Variants in CCSER1 observed in about 807,000 individuals in gnomAD.
CCSER1 encodes coiled-coil serine rich protein 1.
CCSER1 carries 41 observed loss-of-function variants against 82.0 expected under a neutral mutation model. That is an observed-to-expected ratio of 0.50 (90% CI 0.39 to 0.65). The LOEUF is 0.65. Among genes scored for constraint, CCSER1 ranks in the 30% least tolerant of loss-of-function variants. The pLI, the probability that CCSER1 is intolerant of heterozygous loss-of-function variation, is 0.00. For missense variants in CCSER1, 1,119 were observed against 1,064.2 expected, an observed-to-expected ratio of 1.05 and a Z score of -0.72; for synonymous variants, 414 against 383.9, an observed-to-expected ratio of 1.08 and a Z score of -0.92.
chr4:90,389,232 A>C (rs1167206427), intron 3 of CCSER1, among the ~76,000 whole-genome samples: 3 of 152,200 alleles, frequency 2.0e-5, no homozygotes, highest in African/African-American at 7.2e-5. Context: ...AGAATTATAC[A>C]CACTGACAGT....
At chr4:91,391,933 C>T (rs1185600438) in intron 10 of CCSER1, among the ~76,000 whole-genome samples, 2 of 151,972 alleles carry the variant, frequency 1.3e-5, no homozygotes, top group Admixed American at 6.6e-5. Context: ...CATTTATGCA[C>T]ATATGTACAT....
chr4:90,811,730 G>T (rs984542679), intron 7 of CCSER1, among the ~76,000 whole-genome samples: 10 of 152,174 alleles, frequency 6.6e-5, no homozygotes, highest in Non-Finnish European at 1.3e-4. Context: ...TAAGGTGGCG[G>T]AAGAGGATGT....
At chr4:91,162,008 T>A (rs920941377) in intron 10 of CCSER1, among the ~76,000 whole-genome samples, 4 of 152,222 alleles carry the variant, frequency 2.6e-5, no homozygotes, top group Admixed American at 1.3e-4. Flanking sequence ...CCTTGTCTGG[T>A]GCCAGATTTC....
chr4:91,423,958 A>G (rs1250893165), intron 10 of CCSER1, among the ~76,000 whole-genome samples: 1 of 151,564 alleles, frequency 6.6e-6, no homozygotes, highest in Non-Finnish European at 1.5e-5. Flanking sequence ...TATGTAAGGA[A>G]ATAAAGGCAA....
At chr4:90,503,658 C>T (rs150732548) in intron 5 of CCSER1, among the ~76,000 whole-genome samples, 2,262 of 152,054 alleles carry the variant, frequency 0.015, 35 homozygotes, top group African/African-American at 0.044. Flanking sequence ...TGAGAACATG[C>T]GGTTTTTGGT....
intron 7 of CCSER1, among the ~76,000 whole-genome samples, chr4:90,811,762 C>T (rs981989304): frequency 7.2e-5 from 11 of 152,000 alleles, no homozygotes; most frequent in African/African-American, 2.7e-4. Flanking sequence ...GTCTGTGGAA[C>T]AATATTGAGT....
At chr4:90,476,907 T>C (rs912622010) in intron 5 of CCSER1, among the ~76,000 whole-genome samples, 2 of 152,188 alleles carry the variant, frequency 1.3e-5, no homozygotes, top group African/African-American at 4.8e-5. Flanking sequence ...AACCCGATAA[T>C]ATGACTGAAG....
intron 9 of CCSER1, among the ~76,000 whole-genome samples, chr4:90,978,212 T>C (rs1227630370): frequency 6.6e-6 from 1 of 151,678 alleles, no homozygotes; most frequent in Non-Finnish European, 1.5e-5. Flanking sequence ...ACTACCTTGA[T>C]ATATTCAAAT....
intron 5 of CCSER1, among the ~76,000 whole-genome samples, chr4:90,545,518 A>G (rs1776649281): frequency 6.6e-6 from 1 of 152,086 alleles, no homozygotes; most frequent in Non-Finnish European, 1.5e-5. Flanking sequence ...AAACCCTAAT[A>G]GTTGGAAAGG....
chr4:90,728,617 T>A (rs969234281), intron 7 of CCSER1, among the ~76,000 whole-genome samples: 1 of 152,112 alleles, frequency 6.6e-6, no homozygotes, highest in African/African-American at 2.4e-5. Context: ...GGAGGTTCGC[T>A]TGAGCTCAGG....
chr4:91,453,757 A>C (rs960682303), intron 10 of CCSER1, among the ~76,000 whole-genome samples: 2 of 152,090 alleles, frequency 1.3e-5, no homozygotes, highest in Non-Finnish European at 2.9e-5. Flanking sequence ...GTGAGTCTAT[A>C]CTAGGCTTGG....
At chr4:90,498,576 C>A (rs927670311) in intron 5 of CCSER1, among the ~76,000 whole-genome samples, 2 of 152,050 alleles carry the variant, frequency 1.3e-5, no homozygotes, top group African/African-American at 4.8e-5. Flanking sequence ...GTCTTAACTG[C>A]CTCATTGTAA....
intron 1 of CCSER1, among the ~76,000 whole-genome samples, chr4:90,215,069 T>C (rs1409091324): frequency 2.0e-5 from 3 of 152,210 alleles, no homozygotes; most frequent in African/African-American, 7.2e-5. Flanking sequence ...TTGAGTGCTA[T>C]ATTTTTCTCT....
At chr4:91,282,171 C>T (rs1742962606) in intron 10 of CCSER1, among the ~76,000 whole-genome samples, 1 of 151,990 alleles carries the variant, frequency 6.6e-6, no homozygotes, top group African/African-American at 2.4e-5. Context: ...TGTGCATATC[C>T]CAGTTTAGAA....
chr4:91,378,954 G>A (rs951744761), intron 10 of CCSER1, among the ~76,000 whole-genome samples: 2 of 152,142 alleles, frequency 1.3e-5, no homozygotes, highest in African/African-American at 4.8e-5. Context: ...AGAGTTTTTA[G>A]CATGAAGGGC....
intron 1 of CCSER1, among the ~76,000 whole-genome samples, chr4:90,172,348 C>T (rs1334368362): frequency 6.6e-6 from 1 of 151,744 alleles, no homozygotes; most frequent in African/African-American, 2.4e-5. Flanking sequence ...AGTGCAAAGG[C>T]ATGCAAATAG....
chr4:90,368,893 T>C (rs1180432111), intron 3 of CCSER1, among the ~76,000 whole-genome samples: 2 of 152,092 alleles, frequency 1.3e-5, no homozygotes, highest in East Asian at 3.9e-4. Flanking sequence ...GCAAAACTTA[T>C]GGATGTTGCT....
At chr4:91,023,996 G>T (rs1056219387) in intron 9 of CCSER1, among the ~76,000 whole-genome samples, 7 of 152,110 alleles carry the variant, frequency 4.6e-5, no homozygotes, top group African/African-American at 9.7e-5. Context: ...AGTCAAGGGG[G>T]TGCATCTGGT....
intron 10 of CCSER1, among the ~76,000 whole-genome samples, chr4:91,246,078 G>C (rs1219329020): frequency 6.6e-6 from 1 of 152,154 alleles, no homozygotes; most frequent in Non-Finnish European, 1.5e-5. Flanking sequence ...AAAAGCACTG[G>C]ACCAGTGGTG....
Sources: allele counts gnomAD v4.1 joint callset (sites outside exome capture counted in the v4.1 genomes callset), GRCh38; gene constraint gnomAD v4.1.1; transcripts MANE v1.5; gene names NCBI Gene and HGNC (gene_info 2026-07-23, HGNC 2026-07-21).